TRABD2B: variants seen among roughly 807,000 people sequenced by gnomAD.
The protein encoded by TRABD2B is TraB domain containing 2B.
Under a neutral mutation model 40.1 loss-of-function variants are expected in TRABD2B, and 14 were observed. The ratio of observed to expected loss-of-function variants is 0.35; its 90% CI spans 0.23 to 0.55. TRABD2B has a LOEUF of 0.55. TRABD2B is among the 20% of genes least tolerant of loss of function. The pLI is 0.90. For missense variants in TRABD2B, 541 were observed against 648.6 expected (o/e 0.83, Z 1.80); for synonymous variants, 263 against 277.0 (o/e 0.95, Z 0.50).
At position 47,762,759 on chromosome 1, in the gene TRABD2B, T is replaced by A. The variant is rs1644257220; in HGVS notation, c.*3143A>T. 1 of 152,164 alleles carries A rather than the reference T, an allele frequency of 6.6e-6. No homozygotes were observed. The highest frequency in any genetic ancestry group is 1.5e-5 in the Non-Finnish European group (1 of 68,024). The allele number at this position is 152,164 out of a possible 1,614,324, so 9.4% of individuals were successfully genotyped here. On this transcript the variant is annotated 3_prime_UTR_variant, in exon 7 of 7. Coordinates refer to ENST00000606738, the MANE Select transcript of TRABD2B (RefSeq NM_001194986.2). ...CAGCCTGATTCTTCTCCCTCCACTG[T>A]GGATGACAGGGCTCTCCCTGTCTTC...
At chr1:47,864,500 G>A (rs1421357793) in intron 2 of TRABD2B, among the ~76,000 whole-genome samples, 1 of 152,082 alleles carries the variant, frequency 6.6e-6, no homozygotes. Flanking sequence ...GGTCAATAGT[G>A]TTGAGAAACT....
intron 3 of TRABD2B, chr1:47,795,764 C>G: frequency 1.1e-6 from 1 of 914,826 alleles, no homozygotes; most frequent in Non-Finnish European, 1.3e-6. Flanking sequence ...ACTCCCCATC[C>G]CTGCACCACC....
intron 2 of TRABD2B, among the ~76,000 whole-genome samples, chr1:47,915,579 A>G (rs545124454): frequency 6.6e-6 from 1 of 152,208 alleles, no homozygotes; most frequent in South Asian, 2.1e-4. Context: ...CACACAGCTT[A>G]TAAGAGGCCA....
intron 2 of TRABD2B, among the ~76,000 whole-genome samples, chr1:47,901,395 C>T (rs1366953794): frequency 6.6e-6 from 1 of 152,194 alleles, no homozygotes; most frequent in African/African-American, 2.4e-5. Flanking sequence ...GGGAAGTCTG[C>T]TCAGGTGGGA....
At chr1:47,949,380 T>C (rs1645306579) in intron 2 of TRABD2B, among the ~76,000 whole-genome samples, 1 of 150,814 alleles carries the variant, frequency 6.6e-6, no homozygotes, top group Non-Finnish European at 1.5e-5. Context: ...GTCCACTCTA[T>C]GATTGTATTT....
intron 2 of TRABD2B, among the ~76,000 whole-genome samples, chr1:47,965,384 C>T (rs980750506): frequency 6.6e-6 from 1 of 151,084 alleles, no homozygotes; most frequent in Non-Finnish European, 1.5e-5. Flanking sequence ...GCATCTCCTT[C>T]CCTGCAAAAA....
At chr1:47,849,104 C>T (rs934662223) in intron 2 of TRABD2B, among the ~76,000 whole-genome samples, 2 of 152,194 alleles carry the variant, frequency 1.3e-5, no homozygotes, top group Non-Finnish European at 2.9e-5. Context: ...GCTGATAAGG[C>T]TGAATTGTGT....
intron 2 of TRABD2B, among the ~76,000 whole-genome samples, chr1:47,872,500 T>A (rs1644158497): frequency 6.6e-6 from 1 of 152,104 alleles, no homozygotes; most frequent in Admixed American, 6.5e-5. Flanking sequence ...GGGTCCCAAC[T>A]CCCAGCCCAA....
At chr1:47,970,167 T>G (rs1645661161) in intron 2 of TRABD2B, among the ~76,000 whole-genome samples, 1 of 152,106 alleles carries the variant, frequency 6.6e-6, no homozygotes, top group African/African-American at 2.4e-5. Context: ...CCTGGACAAT[T>G]CTGTTACACA....
At chr1:47,794,367 G>A (rs908522419) in intron 4 of TRABD2B, among the ~76,000 whole-genome samples, 3 of 152,148 alleles carry the variant, frequency 2.0e-5, no homozygotes, top group African/African-American at 7.2e-5. Context: ...GCCATGGCAG[G>A]GGTCATCACT....
chr1:47,984,395 G>C (rs1250755915), intron 2 of TRABD2B, among the ~76,000 whole-genome samples: 1 of 152,232 alleles, frequency 6.6e-6, no homozygotes, highest in Non-Finnish European at 1.5e-5. Flanking sequence ...ACTTGCGCTC[G>C]CGGAGGCCAG....
intron 2 of TRABD2B, among the ~76,000 whole-genome samples, chr1:47,894,289 C>T (rs967009437): frequency 9.2e-5 from 14 of 152,124 alleles, no homozygotes; most frequent in African/African-American, 3.4e-4. Context: ...CTTCAATTTC[C>T]GTATCTCTGT....
At chr1:47,904,269 T>C (rs145198701) in intron 2 of TRABD2B, among the ~76,000 whole-genome samples, 34 of 151,952 alleles carry the variant, frequency 2.2e-4, no homozygotes, top group African/African-American at 7.7e-4. Context: ...TTAAAAGAGA[T>C]GGAAATAGCA....
chr1:47,942,258 C>A (rs1645198308), intron 2 of TRABD2B, among the ~76,000 whole-genome samples: 1 of 152,262 alleles, frequency 6.6e-6, no homozygotes, highest in Admixed American at 6.5e-5. Flanking sequence ...TATGGGTGAG[C>A]AAAAGCCTCC....
At chr1:47,824,623 G>T (rs1645151623) in intron 2 of TRABD2B, among the ~76,000 whole-genome samples, 1 of 152,224 alleles carries the variant, frequency 6.6e-6, no homozygotes, top group Admixed American at 6.5e-5. Flanking sequence ...CTTGCTGGAA[G>T]CAGAGGACAC....
rs1482781416 is a variant in TRABD2B, at chr1:47,764,802, C to G, written c.*1100G>C. ...GCATCACACTGATCTGGGGCCACAT[C>G]CTGGCTGGGGGATCTTCAGCAAGTC... On this transcript the variant is annotated 3_prime_UTR_variant, in exon 7 of 7. Transcript: ENST00000606738. The G allele has an allele frequency of 6.6e-6, 1 of 152,298 alleles. No individual in the cohort carries two copies. Among genetic ancestry groups the G allele is most frequent in the Non-Finnish European group, 1.5e-5 (1 of 68,122 alleles). 9.4% of individuals were successfully genotyped at this position (152,298 alleles called of 1,614,324 possible). A position where few individuals can be genotyped will look rare whatever the true frequency, so the allele number is the denominator to read the frequency against.
chr1:47,913,241 G>T (rs1012045199), intron 2 of TRABD2B, among the ~76,000 whole-genome samples: 11 of 152,096 alleles, frequency 7.2e-5, no homozygotes, highest in African/African-American at 2.7e-4. Context: ...CCTTCCTATA[G>T]ATCGATCCAC....
chr1:47,984,484 C>G (rs1419066283), intron 2 of TRABD2B, among the ~76,000 whole-genome samples: 2 of 152,246 alleles, frequency 1.3e-5, no homozygotes, highest in Non-Finnish European at 1.5e-5. Context: ...GAAATGGGCA[C>G]AGTCATGCAA....
intron 2 of TRABD2B, among the ~76,000 whole-genome samples, chr1:47,911,064 T>C (rs1250847464): frequency 1.3e-5 from 2 of 152,134 alleles, no homozygotes; most frequent in African/African-American, 4.8e-5. Context: ...GAACCCTCCA[T>C]AGCTTCCTGG....
Sources: allele counts gnomAD v4.1 joint callset (sites outside exome capture counted in the v4.1 genomes callset), GRCh38; gene constraint gnomAD v4.1.1; transcripts MANE v1.5; gene names NCBI Gene and HGNC (gene_info 2026-07-23, HGNC 2026-07-21).